DLC1: variants seen among roughly 807,000 people sequenced by gnomAD.
DLC1 encodes DLC1 Rho GTPase activating protein, also known as rho GTPase-activating protein 7.
In DLC1, 54 loss-of-function variants were observed where a neutral mutation model predicts 140.3. The observed-to-expected ratio is 0.38, with a 90% CI of 0.31 to 0.48. The LOEUF (loss-of-function observed/expected upper bound fraction) is 0.48. Among genes scored for constraint, DLC1 ranks in the 20% least tolerant of loss-of-function variants. The pLI is 0.96. For missense variants in DLC1, 2,536 were observed against 1,907.0 expected (o/e 1.33, Z -6.14); for synonymous variants, 986 against 728.1 (o/e 1.35, Z -5.70).
At chr8:13,487,815 C>T (rs1309755393) in intron 2 of DLC1, among the ~76,000 whole-genome samples, 13 of 152,150 alleles carry the variant, frequency 8.5e-5, no homozygotes, top group Admixed American at 8.5e-4. Flanking sequence ...TTGTGATCCA[C>T]CCGCCTCAGC....
intron 4 of DLC1, among the ~76,000 whole-genome samples, chr8:13,376,224 T>C (rs1835977639): frequency 6.6e-6 from 1 of 152,192 alleles, no homozygotes; most frequent in African/African-American, 2.4e-5. Flanking sequence ...ATTTTCACAT[T>C]GTCCAGTAAA....
At chr8:13,404,012 A>G (rs1837417400) in intron 2 of DLC1, among the ~76,000 whole-genome samples, 1 of 152,086 alleles carries the variant, frequency 6.6e-6, no homozygotes, top group Non-Finnish European at 1.5e-5. Flanking sequence ...CCCCATGACT[A>G]ATGCATGCTC....
chr8:13,407,313 T>TG (rs1325597075), intron 2 of DLC1, among the ~76,000 whole-genome samples: 1 of 152,178 alleles, frequency 6.6e-6, no homozygotes, highest in Non-Finnish European at 1.5e-5. Flanking sequence ...TCTGTGAGGC[T>TG]TAAACAACAG....
At chr8:13,287,362 A>G (rs1228559840) in intron 5 of DLC1, among the ~76,000 whole-genome samples, 1 of 152,258 alleles carries the variant, frequency 6.6e-6, no homozygotes, top group Admixed American at 6.5e-5. Context: ...TTTGGCTTCT[A>G]TTTTGTTTTC....
chr8:13,206,004 T>G, intron 5 of DLC1, among the ~76,000 whole-genome samples: 1 of 152,166 alleles, frequency 6.6e-6, no homozygotes, highest in East Asian at 1.9e-4. Flanking sequence ...CCCTTACTCT[T>G]TTTCAAAGTG....
At chr8:13,428,109 T>C (rs1304763474) in intron 2 of DLC1, among the ~76,000 whole-genome samples, 1 of 152,134 alleles carries the variant, frequency 6.6e-6, no homozygotes, top group Non-Finnish European at 1.5e-5. Flanking sequence ...TTAATCTCAG[T>C]CTTTCCAGGC....
At chr8:13,450,309 G>C (rs962779967) in intron 2 of DLC1, among the ~76,000 whole-genome samples, 4 of 151,676 alleles carry the variant, frequency 2.6e-5, no homozygotes, top group African/African-American at 9.7e-5. Flanking sequence ...ATAAAAATTA[G>C]CTGGGCATGG....
intron 1 of DLC1, among the ~76,000 whole-genome samples, chr8:13,596,029 T>C (rs1319787233): frequency 6.6e-6 from 1 of 152,070 alleles, no homozygotes; most frequent in Non-Finnish European, 1.5e-5. Flanking sequence ...CACTTTCACA[T>C]GATGAGTTAA....
chr8:13,464,803 T>G (rs2117040397), intron 2 of DLC1, among the ~76,000 whole-genome samples: 1 of 145,424 alleles, frequency 6.9e-6, no homozygotes, highest in East Asian at 2.0e-4. Flanking sequence ...TATGCTTAAA[T>G]AAGGTTTTAG....
chr8:13,536,188 ATGAAGAG>A (rs1226811698), intron 1 of DLC1: 1 of 152,252 alleles, frequency 6.6e-6, no homozygotes, highest in African/African-American at 2.4e-5. Flanking sequence ...ATCATAATGA[ATGAAGAG>A]TGAGAGGCAA....
intron 2 of DLC1, among the ~76,000 whole-genome samples, chr8:13,454,735 G>T (rs372684499): frequency 1.3e-5 from 2 of 152,020 alleles, no homozygotes; most frequent in East Asian, 3.9e-4. Flanking sequence ...TTTAATTTTT[G>T]TAGAGACAGC....
intron 5 of DLC1, among the ~76,000 whole-genome samples, chr8:13,139,225 G>C (rs1287792129): frequency 7.0e-6 from 1 of 143,140 alleles, no homozygotes. Flanking sequence ...GGTAGTCGAG[G>C]CTGGATTAAG....
chr8:13,562,031 T>C (rs998472465), intron 1 of DLC1, among the ~76,000 whole-genome samples: 1 of 152,068 alleles, frequency 6.6e-6, no homozygotes, highest in South Asian at 2.1e-4. Context: ...AGGTTGAAGG[T>C]ATGCCAAAAA....
chr8:13,100,886 CATG>C (rs1819021752), intron 8 of DLC1, 116 bp from the exon 9 acceptor site: 5 of 793,530 alleles, frequency 6.3e-6, no homozygotes, highest in Non-Finnish European at 8.9e-6. Context: ...CCTTGTACTT[CATG>C]ATTTTAATTT....
chr8:13,129,827 G>C (rs1242827758), intron 5 of DLC1, among the ~76,000 whole-genome samples: 1 of 152,208 alleles, frequency 6.6e-6, no homozygotes, highest in Non-Finnish European at 1.5e-5. Context: ...GGAAACATCT[G>C]AAGTTATTTT....
At chr8:13,401,138 C>T (rs1837276041) in intron 3 of DLC1, among the ~76,000 whole-genome samples, 1 of 152,158 alleles carries the variant, frequency 6.6e-6, no homozygotes, top group Admixed American at 6.5e-5. Context: ...AGACATAGTG[C>T]TTGCTAACAG....
chr8:13,553,208 A>G (rs1803923112), intron 1 of DLC1, among the ~76,000 whole-genome samples: 1 of 61,986 alleles, frequency 1.6e-5, no homozygotes, highest in African/African-American at 6.3e-5. Flanking sequence ...GCTGTCATAT[A>G]TATATATATA....
chr8:13,411,921 G>A (rs1365760453), intron 2 of DLC1, among the ~76,000 whole-genome samples: 1 of 151,970 alleles, frequency 6.6e-6, no homozygotes, highest in African/African-American at 2.4e-5. Flanking sequence ...AAATGCTTAG[G>A]TAAAAGTTGA....
Position 13,099,781 on chromosome 8 carries a change from C to T in DLC1, c.2556G>A (p.Arg852=), listed in dbSNP as rs367552845. ...TGGGGCTGTCGCTACTGTTTTCCCT[C>T]CTGAGGCTGATGTGGCCAGGGCCGT... ...SFHGPGHISL[R]RENSSDSPKE... is the part of the protein sequence containing the mutation. Residue 852 remains arginine (R), a synonymous_variant, in exon 9 of 18, where the codon AGG becomes AGA. Coordinates refer to ENST00000276297, the MANE Select transcript of DLC1 (RefSeq NM_182643.3). 1.2e-6 allele frequency: 2 copies of T among 1,614,018 alleles called. No homozygotes were observed. Among genetic ancestry groups the T allele is most frequent in the Non-Finnish European group, 1.7e-6 (2 of 1,180,032 alleles).
Sources: gnomAD v4.1 joint callset for allele counts (sites outside exome capture counted in the v4.1 genomes callset) on GRCh38, gnomAD v4.1.1 for gene constraint, MANE v1.5 for transcripts, NCBI Gene and HGNC (gene_info 2026-07-23, HGNC 2026-07-21) for gene names.